SNAI1: variants seen among roughly 807,000 people sequenced by gnomAD.
SNAI1 encodes the protein zinc finger protein SNAI1.
SNAI1 carries 15 observed loss-of-function variants against 24.7 expected under a neutral mutation model. The observed-to-expected ratio is 0.61, with a 90% CI of 0.41 to 0.93. The LOEUF is 0.93. Ranked by LOEUF, SNAI1 falls within the 40% of genes least tolerant of loss-of-function variation. The pLI is 0.00. For synonymous variants in SNAI1, 163 were observed against 142.9 expected (o/e 1.14, Z -1.00); for missense variants, 283 against 336.7 (o/e 0.84, Z 1.25).
intron 2 of SNAI1, among the ~76,000 whole-genome samples, chr20:49,984,646 G>T (rs2078328331): frequency 6.6e-6 from 1 of 152,234 alleles, no homozygotes; most frequent in African/African-American, 2.4e-5. Context: ...GGCCAGGTGT[G>T]AAGGGGCCCA....
At position 49,988,543 on chromosome 20, in the gene SNAI1, G is replaced by A. The variant is rs76789671; in HGVS notation, c.*487G>A. 2,687 of 153,276 alleles carry A rather than the reference G, an allele frequency of 0.018. 76 individuals carry two copies. The highest frequency in any genetic ancestry group is 0.061 in the African/African-American group (2,529 of 41,566). 9.5% of individuals were successfully genotyped at this position (153,276 alleles called of 1,614,324 possible). ...GTGCAGCCCCAGGGCCTGCGGAGGC[G>A]GTGGCAGACTAGAGTCTGAGATGCC... is the stretch of plus-strand genomic sequence containing the variant. On this transcript the variant is annotated 3_prime_UTR_variant, in exon 3 of 3. Coordinates refer to ENST00000244050, the MANE Select transcript of SNAI1 (RefSeq NM_005985.4).
chr20:49,984,029 T>A lies in SNAI1; in HGVS notation c.288T>A (p.Ser96Arg). 6.2e-7 allele frequency: 1 copy of A among 1,613,550 alleles called. No individual in the cohort carries two copies. The highest frequency in any genetic ancestry group is 8.5e-7 in the Non-Finnish European group (1 of 1,179,768). ...TGACCTCCCTGTCAGATGAGGACAG[T>A]GGGAAAGGCTCCCAGCCCCCCAGCC... ...AELTSLSDED[S>R]GKGSQPPSPP... Residue 96 changes from serine (S) to arginine (R), a missense_variant, in exon 2 of 3, where the codon AGT (serine) becomes AGA (arginine). Coordinates refer to ENST00000244050, the MANE Select transcript of SNAI1 (RefSeq NM_005985.4).
chr20:49,986,222 G>A (rs866008540), intron 2 of SNAI1, among the ~76,000 whole-genome samples: 1 of 152,174 alleles, frequency 6.6e-6, no homozygotes, highest in African/African-American at 2.4e-5. Flanking sequence ...CAGGCGTGGC[G>A]TGTGGAGGCT....
Position 49,983,008 on chromosome 20 carries a change from G to C in SNAI1, c.-52G>C, listed in dbSNP as rs1396154505. The C allele has an allele frequency of 1.4e-6, 2 of 1,403,148 alleles. No individual in the cohort carries two copies. The highest frequency in any genetic ancestry group is 1.2e-5 in the South Asian group (1 of 85,698). 86.9% of individuals were successfully genotyped at this position (1,403,148 alleles called of 1,614,324 possible). A position where few individuals can be genotyped will look rare whatever the true frequency, so the allele number is the denominator to read the frequency against. ...GCGCCGCGGCACGGCCTAGCGAGTGGTTCTTCTGCGCTACTGCTGCGCGAA... is the reference window on the plus strand; with the variant it reads ...GCGCCGCGGCACGGCCTAGCGAGTGCTTCTTCTGCGCTACTGCTGCGCGAA... On this transcript the variant is annotated 5_prime_UTR_variant, in exon 1 of 3. Transcript: ENST00000244050.
intron 2 of SNAI1, among the ~76,000 whole-genome samples, chr20:49,986,646 T>A (rs1422217051): frequency 2.6e-5 from 4 of 151,154 alleles, no homozygotes; most frequent in East Asian, 1.9e-4. Flanking sequence ...AAAAAAAAAA[T>A]TATAGACAGG....
rs982028412 is a variant in SNAI1, at chr20:49,988,446, A to C, written c.*390A>C. 2.8e-4 allele frequency: 46 copies of C among 162,004 alleles called. No homozygotes were observed. The highest frequency in any genetic ancestry group is 4.4e-4 in the Admixed American group (7 of 15,776). 10.0% of individuals were successfully genotyped at this position (162,004 alleles called of 1,614,324 possible). A position where few individuals can be genotyped will look rare whatever the true frequency, so the allele number is the denominator to read the frequency against. ...TCAGGGGACCCCACTCCCCTCACAC[A>C]CACCCCCCCACAAGGAACCCTCAGG... On this transcript the variant is annotated 3_prime_UTR_variant, in exon 3 of 3. Transcript: ENST00000244050.
intron 2 of SNAI1, among the ~76,000 whole-genome samples, chr20:49,987,347 G>C (rs1213588838): frequency 6.6e-6 from 1 of 152,188 alleles, no homozygotes; most frequent in Non-Finnish European, 1.5e-5. Context: ...CTCCAGGACT[G>C]ATGGTAAGGA....
chr20:49,988,072 C>G lies in SNAI1; in HGVS notation c.*16C>G. 6.4e-7 allele frequency: 1 copy of G among 1,574,470 alleles called. No homozygotes were observed. Among genetic ancestry groups the G allele is most frequent in the Non-Finnish European group, 8.6e-7 (1 of 1,157,014 alleles). On this transcript the variant is annotated 3_prime_UTR_variant, in exon 3 of 3. Transcript: ENST00000244050. The stretch of plus-strand genomic sequence containing the variant: ...TCCCCGCTGACCCTCGAGGCTCCCT[C>G]TTCCTCTCCATACCTGCCCCTGCCT...
chr20:49,984,390 TG>T, intron 2 of SNAI1, 39 bp downstream of exon 2: 1 of 1,516,456 alleles, frequency 6.6e-7, no homozygotes, highest in Non-Finnish European at 8.8e-7. Context: ...TTGCTCTCTC[TG>T]GCAGCTTTTG....
Position 49,984,065 on chromosome 20 carries a change from G to A in SNAI1, c.324G>A (p.Pro108=), listed in dbSNP as rs764371495. The part of the protein sequence containing the change: ...KGSQPPSPPS[P]APSSFSSTSV... ...CCCAGCCCCCCAGCCCACCCTCACC[G>A]GCTCCTTCGTCCTTCTCCTCTACTT... Residue 108 remains proline, a synonymous_variant, in exon 2 of 3, where the codon CCG becomes CCA. Coordinates refer to ENST00000244050, the MANE Select transcript of SNAI1 (RefSeq NM_005985.4). 11 of 1,613,938 alleles carry A rather than the reference G, an allele frequency of 6.8e-6. No individual in the cohort carries two copies. Among genetic ancestry groups the A allele is most frequent in the African/African-American group, 4.0e-5 (3 of 74,932 alleles).
chr20:49,985,819 G>A (rs947683524), intron 2 of SNAI1, among the ~76,000 whole-genome samples: 7 of 152,308 alleles, frequency 4.6e-5, no homozygotes, highest in African/African-American at 1.4e-4. Context: ...TGCCCCCCTC[G>A]GCGCCCTTTG....
chr20:49,984,015 T>C lies in SNAI1; in HGVS notation c.274T>C (p.Ser92Pro), dbSNP rs1237513391. The change falls in exon 2 of 3, where the codon TCA (serine) becomes CCA (proline). Residue 92 changes from serine (S) to proline (P), a missense_variant. By Grantham distance (74) the Ser-to-Pro change is moderately conservative (BLOSUM62 -1). Transcript: ENST00000244050. ...CAGGGTGGCAGAGCTGACCTCCCTG[T>C]CAGATGAGGACAGTGGGAAAGGCTC... ...SPRVAELTSLSDEDSGKGSQP... is the reference protein window; with the variant it reads ...SPRVAELTSLPDEDSGKGSQP... The C allele has an allele frequency of 5.6e-6, 9 of 1,613,274 alleles. No homozygotes were observed. The highest frequency in any genetic ancestry group is 7.6e-6 in the Non-Finnish European group (9 of 1,179,608).
At chr20:49,987,053 G>A (rs1034000483) in intron 2 of SNAI1, among the ~76,000 whole-genome samples, 1 of 152,250 alleles carries the variant, frequency 6.6e-6, no homozygotes, top group Non-Finnish European at 1.5e-5. Context: ...CAGATGGTGT[G>A]TCAGGGCCAC....
At position 49,984,011 on chromosome 20, in the gene SNAI1, C is replaced by G; in HGVS notation, c.270C>G (p.Ser90=). ...QESPRVAELT[S]LSDEDSGKGS... is the part of the protein sequence containing the mutation. ...GTCCCAGGGTGGCAGAGCTGACCTC[C>G]CTGTCAGATGAGGACAGTGGGAAAG... Residue 90 remains serine (S), a synonymous_variant, in exon 2 of 3, where the codon TCC becomes TCG. Transcript: ENST00000244050. 6.2e-7 allele frequency: 1 copy of G among 1,613,484 alleles called. No individual in the cohort carries two copies. The highest frequency in any genetic ancestry group is 8.5e-7 in the Non-Finnish European group (1 of 1,179,666).
intron 2 of SNAI1, among the ~76,000 whole-genome samples, chr20:49,986,879 T>C (rs1464060011): frequency 7.6e-6 from 1 of 132,258 alleles, no homozygotes; most frequent in Admixed American, 7.0e-5. Context: ...ATATAGCTTT[T>C]TGGTTGGAGC....
rs747327243 is a variant in SNAI1 at position 49,983,082 on chromosome 20, G to A, written c.23G>A (p.Arg8Lys). 1.9e-6 allele frequency: 3 copies of A among 1,613,856 alleles called. No individual in the cohort carries two copies. Among genetic ancestry groups the A allele is most frequent in the East Asian group, 2.2e-5 (1 of 44,832 alleles). Reference sequence around the variant, plus strand: ...ACTATGCCGCGCTCTTTCCTCGTCAGGAAGCCCTCCGACCCCAATCGGAAG... The same window carrying A: ...ACTATGCCGCGCTCTTTCCTCGTCAAGAAGCCCTCCGACCCCAATCGGAAG... MPRSFLVRKPSDPNRKPN... is the reference protein window; with the variant it reads MPRSFLVKKPSDPNRKPN... Residue 8 changes from arginine to lysine, a missense_variant, in exon 1 of 3, where the codon AGG becomes AAG. Physicochemically the swap from Arg to Lys is conservative, Grantham distance 26. Transcript: ENST00000244050.
chr20:49,984,163 A>C lies in SNAI1; in HGVS notation c.422A>C (p.Gln141Pro). 6.2e-7 allele frequency: 1 copy of C among 1,614,204 alleles called. No individual in the cohort carries two copies. The highest frequency in any genetic ancestry group is 8.5e-7 in the Non-Finnish European group (1 of 1,180,036). The change falls in exon 2 of 3, where the codon CAG becomes CCG. Residue 141 changes from glutamine (Q) to proline (P), a missense_variant. Coordinates refer to ENST00000244050, the MANE Select transcript of SNAI1 (RefSeq NM_005985.4). ...GGCCAAGTGCCCAAGCAGCTGGCCC[A>C]GCTCTCTGAGGCCAAGGATCTCCAG... ...GLGQVPKQLAQLSEAKDLQAR... is the reference protein window; with the variant it reads ...GLGQVPKQLAPLSEAKDLQAR...
At position 49,987,946 on chromosome 20, in the gene SNAI1, A is replaced by G; in HGVS notation, c.685A>G (p.Thr229Ala). 6.2e-7 allele frequency: 1 copy of G among 1,613,786 alleles called. No homozygotes were observed. Among genetic ancestry groups the G allele is most frequent in the Non-Finnish European group, 8.5e-7 (1 of 1,179,920 alleles). ...DRSNLRAHLQ[T>A]HSDVKKYQCQ... ...CTCCAACCTGCGGGCCCACCTCCAGACCCACTCAGATGTCAAGAAGTACCA... is the reference window on the plus strand; with the variant it reads ...CTCCAACCTGCGGGCCCACCTCCAGGCCCACTCAGATGTCAAGAAGTACCA... Residue 229 changes from threonine to alanine, a missense_variant, in exon 3 of 3, where the codon ACC (threonine) becomes GCC (alanine). Transcript: ENST00000244050.
At chr20:49,985,018 G>A (rs2078329671) in intron 2 of SNAI1, among the ~76,000 whole-genome samples, 1 of 152,004 alleles carries the variant, frequency 6.6e-6, no homozygotes, top group Admixed American at 6.6e-5. Flanking sequence ...TTTAGAGAGT[G>A]GCTGTAAAGG....
Sources: gnomAD v4.1 joint callset for allele counts (sites outside exome capture counted in the v4.1 genomes callset) on GRCh38, gnomAD v4.1.1 for gene constraint, MANE v1.5 for transcripts, NCBI Gene and HGNC (gene_info 2026-07-23, HGNC 2026-07-21) for gene names.